Variants in ATF2 observed in about 807,000 individuals in gnomAD.
The protein encoded by ATF2 is cyclic AMP-dependent transcription factor ATF-2.
ATF2 carries 24 observed loss-of-function variants against 60.6 expected under a neutral mutation model. The ratio of observed to expected loss-of-function variants is 0.40; its 90% CI spans 0.29 to 0.56. ATF2 has a LOEUF of 0.56. ATF2 is among the 20% of genes least tolerant of loss of function. The pLI, the probability that ATF2 is intolerant of heterozygous loss-of-function variation, is 0.54. For missense variants in ATF2, 433 were observed against 607.7 expected, an observed-to-expected ratio of 0.71 and a Z score of 3.02; for synonymous variants, 206 against 215.4, an observed-to-expected ratio of 0.96 and a Z score of 0.38.
chr2:175,074,588 T>C lies in ATF2; in HGVS notation c.*21A>G, dbSNP rs1041594096. ...GAAGTCACTAATGAGTATCTAAAAC[T>C]GTTGTACTGCAGGTTTTTAATCAAC... On this transcript the variant is annotated 3_prime_UTR_variant, in exon 14 of 14. Transcript: ENST00000264110. The C allele has an allele frequency of 1.9e-6, 3 of 1,599,356 alleles. No individual in the cohort carries two copies. Among genetic ancestry groups the C allele is most frequent in the Non-Finnish European group, 2.6e-6 (3 of 1,171,954 alleles).
chr2:175,082,897 T>C (rs1406996802), intron 12 of ATF2, among the ~76,000 whole-genome samples: 7 of 152,204 alleles, frequency 4.6e-5, no homozygotes, highest in Non-Finnish European at 1.0e-4. Context: ...CATTTCACAA[T>C]TGCTTCAAAG....
intron 3 of ATF2, 75 bp downstream of exon 3, chr2:175,136,337 T>G (rs540424382): frequency 7.2e-7 from 1 of 1,396,044 alleles, no homozygotes. Flanking sequence ...ACTTACCTAA[T>G]AGAAACAAGC....
At chr2:175,150,210 T>TA (rs1699217830) in intron 2 of ATF2, among the ~76,000 whole-genome samples, 1 of 152,196 alleles carries the variant, frequency 6.6e-6, no homozygotes, top group Admixed American at 6.6e-5. Flanking sequence ...CAGATTTAAA[T>TA]TATTTTCCGA....
chr2:175,094,301 C>G (rs765885741), intron 11 of ATF2, among the ~76,000 whole-genome samples: 1 of 146,944 alleles, frequency 6.8e-6, no homozygotes, highest in Non-Finnish European at 1.5e-5. Context: ...GGCTGAGGCA[C>G]GAGAATCACT....
intron 4 of ATF2, among the ~76,000 whole-genome samples, chr2:175,124,878 TCA>T (rs1269906833): frequency 5.3e-5 from 8 of 152,022 alleles, no homozygotes; most frequent in Non-Finnish European, 8.8e-5. Context: ...CCAAATTATC[TCA>T]GTGTCTCTTT....
intron 1 of ATF2, among the ~76,000 whole-genome samples, chr2:175,154,129 G>A (rs992380093): frequency 1.6e-4 from 24 of 151,030 alleles, no homozygotes; most frequent in African/African-American, 3.9e-4. Flanking sequence ...CAGGAGAATC[G>A]CTTGAACCTG....
At position 175,080,752 on chromosome 2, in the gene ATF2, A is replaced by T; in HGVS notation, c.1199T>A (p.Leu400Gln). 6.2e-7 allele frequency: 1 copy of T among 1,612,632 alleles called. No homozygotes were observed. The highest frequency in any genetic ancestry group is 8.5e-7 in the Non-Finnish European group (1 of 1,179,110). ...CAGCTGTGCCACTTCATTTCTCAGC[A>T]GGGTGACTTCACTCTGGAGAAGAAA... Reference protein sequence around the residue: ...LNGQLQSEVTLLRNEVAQLKQ... With the variant: ...LNGQLQSEVTQLRNEVAQLKQ... Residue 400 changes from leucine to glutamine, a missense_variant, in exon 13 of 14, where the codon CTG becomes CAG. Transcript: ENST00000264110.
chr2:175,114,266 A>C (rs1696397339), intron 8 of ATF2, 158 bp from the exon 9 acceptor site: 1 of 1,393,896 alleles, frequency 7.2e-7, no homozygotes, highest in Admixed American at 3.5e-5. Context: ...TTTTAATTGC[A>C]TCTTAAATGC....
At chr2:175,107,761 G>A (rs1352382328) in intron 10 of ATF2, among the ~76,000 whole-genome samples, 2 of 152,338 alleles carry the variant, frequency 1.3e-5, no homozygotes, top group East Asian at 3.9e-4. Flanking sequence ...TGGAGACGGG[G>A]TTTCGCTGTG....
intron 12 of ATF2, among the ~76,000 whole-genome samples, chr2:175,088,182 A>G (rs548951831): frequency 3.9e-5 from 6 of 152,204 alleles, no homozygotes; most frequent in Non-Finnish European, 7.4e-5. Context: ...ATTAGATCTC[A>G]AACTCAGAAT....
chr2:175,159,465 G>A (rs953525349), intron 1 of ATF2, among the ~76,000 whole-genome samples: 1 of 152,110 alleles, frequency 6.6e-6, no homozygotes, highest in African/African-American at 2.4e-5. Flanking sequence ...ATGTTAACAA[G>A]GAAAGCAGCA....
chr2:175,111,774 G>C, intron 9 of ATF2, 120 bp from the exon 10 acceptor site: 1 of 830,604 alleles, frequency 1.2e-6, no homozygotes, highest in Non-Finnish European at 1.8e-6. Flanking sequence ...TTTATCACCA[G>C]CTGATTTTAT....
intron 4 of ATF2, among the ~76,000 whole-genome samples, chr2:175,124,500 A>G (rs781766943): frequency 6.6e-6 from 1 of 152,014 alleles, no homozygotes; most frequent in African/African-American, 2.4e-5. Flanking sequence ...TAGTTAATAC[A>G]TACACTCATA....
At position 175,093,220 on chromosome 2, in the gene ATF2, A is replaced by T. The variant is rs370891097; in HGVS notation, c.1026T>A (p.Arg342=). The T allele has an allele frequency of 2.5e-6, 4 of 1,614,010 alleles. No homozygotes were observed. The highest frequency in any genetic ancestry group is 3.4e-6 in the Non-Finnish European group (4 of 1,180,022). The change falls in exon 12 of 14, where the codon CGT becomes CGA. Residue 342 remains arginine (R), a synonymous_variant. Coordinates refer to ENST00000264110, the MANE Select transcript of ATF2 (RefSeq NM_001880.4). ...GATCTTCGTTAGCTGCTCTTCTCCG[A>T]CGACCACTTGTACTTTGGGTCTGTG... is the stretch of plus-strand genomic sequence containing the variant. ...TTPQTQSTSG[R]RRRAANEDPD...
intron 1 of ATF2, among the ~76,000 whole-genome samples, chr2:175,154,482 T>TAAA (rs937925664): frequency 6.6e-6 from 1 of 151,366 alleles, no homozygotes; most frequent in Non-Finnish European, 1.5e-5. Context: ...AACTTTTTTT[T>TAAA]AAAAAAAAGT....
At chr2:175,119,387 C>T (rs1696797420) in intron 5 of ATF2, among the ~76,000 whole-genome samples, 1 of 151,480 alleles carries the variant, frequency 6.6e-6, no homozygotes. Flanking sequence ...ACTCCTAATT[C>T]CTTTTGTAAG....
At chr2:175,115,691 A>G (rs1696504914) in intron 7 of ATF2, among the ~76,000 whole-genome samples, 1 of 152,204 alleles carries the variant, frequency 6.6e-6, no homozygotes, top group Non-Finnish European at 1.5e-5. Flanking sequence ...AACTTCATTT[A>G]TTCAGTAAGT....
At position 175,085,593 on chromosome 2, in the gene ATF2, CACACAA is replaced by C. The variant is rs747233387; in HGVS notation, c.1186-4834_1186-4829del. 4.6e-3 allele frequency among the ~76,000 whole-genome samples: 602 copies of C among 130,844 alleles called. 1 individual carries two copies. Among genetic ancestry groups the C allele is most frequent in the Middle Eastern group, 0.018 (5 of 274 alleles). 85.8% of individuals were successfully genotyped at this position (130,844 alleles called of 152,430 possible). On this transcript the variant is annotated intron_variant, in intron 12 of 13. Coordinates refer to ENST00000264110, the MANE Select transcript of ATF2 (RefSeq NM_001880.4). ...ACACACACACACACACACACACACACACACAAATTCTCTCTTTAAATAGACAGGTCT... is the reference window on the plus strand; with the variant it reads ...ACACACACACACACACACACACACACATTCTCTCTTTAAATAGACAGGTCT...
Position 175,074,806 on chromosome 2 carries a change from T to A in ATF2, c.1321A>T (p.Ile441Phe). The A allele has an allele frequency of 1.9e-6, 3 of 1,613,506 alleles. No homozygotes were observed. The highest frequency in any genetic ancestry group is 2.5e-6 in the Non-Finnish European group (3 of 1,179,640). The change falls in exon 14 of 14, where the codon ATT becomes TTT. Residue 441 changes from isoleucine to phenylalanine, a missense_variant. By Grantham distance (21) the Ile-to-Phe change is conservative (BLOSUM62 0). Transcript: ENST00000264110. ...TADKDDSSEDISVPSSPHTEA... is the reference protein window; with the variant it reads ...TADKDDSSEDFSVPSSPHTEA... ...GTATGTGGACTACTCGGCACTGAAATGTCTTCTGAACTATCATCTTTATCA... is the reference window on the plus strand; with the variant it reads ...GTATGTGGACTACTCGGCACTGAAAAGTCTTCTGAACTATCATCTTTATCA...
Sources: gnomAD v4.1 joint callset for allele counts (sites outside exome capture counted in the v4.1 genomes callset) on GRCh38, gnomAD v4.1.1 for gene constraint, MANE v1.5 for transcripts, NCBI Gene and HGNC (gene_info 2026-07-23, HGNC 2026-07-21) for gene names.